Variants in TCF20 observed in about 807,000 individuals in gnomAD.
TCF20 encodes the protein transcription factor 20, also known as SPRE-binding protein.
In TCF20, 3 loss-of-function variants were observed where a neutral mutation model predicts 148.6. That is an observed-to-expected ratio of 0.02 (90% CI 0.01 to 0.05). The LOEUF is 0.05. Ranked by LOEUF, TCF20 falls within the 10% of genes least tolerant of loss-of-function variation. The pLI, the probability that TCF20 is intolerant of heterozygous loss-of-function variation, is 1.00. For synonymous variants in TCF20, 1,049 were observed against 909.5 expected (o/e 1.15, Z -2.76); for missense variants, 2,350 against 2,429.3 (o/e 0.97, Z 0.69).
chr22:42,270,971 G>A (rs890371403), upstream of TCF20, among the ~76,000 whole-genome samples: 2 of 152,096 alleles, frequency 1.3e-5, no homozygotes, highest in African/African-American at 4.8e-5. Flanking sequence ...CCAACTTTCT[G>A]GGGGAGTTGG....
rs776674165 is a variant in TCF20, at chr22:42,212,262, T to C, written c.3044A>G (p.Lys1015Arg). The C allele has an allele frequency of 6.2e-7, 1 of 1,614,154 alleles. No homozygotes were observed. The highest frequency in any genetic ancestry group is 1.1e-5 in the South Asian group (1 of 91,082). ...SPSQYHDFAE[K>R]LKMSPGRSRG... is the part of the protein sequence containing the mutation. ...GCTCCGCCCAGGAGACATTTTCAATTTTTCTGCAAAGTCATGATATTGAGA... is the reference window on the plus strand; with the variant it reads ...GCTCCGCCCAGGAGACATTTTCAATCTTTCTGCAAAGTCATGATATTGAGA... The change falls in exon 2 of 6, where the codon AAA (lysine) becomes AGA (arginine). Residue 1015 changes from lysine to arginine, a missense_variant. Physicochemically the swap from Lys to Arg is conservative, Grantham distance 26. Transcript: ENST00000677622.
At chr22:42,330,834 A>G (rs1927960884) in intron 1 of TCF20, among the ~76,000 whole-genome samples, 1 of 152,194 alleles carries the variant, frequency 6.6e-6, no homozygotes, top group Non-Finnish European at 1.5e-5. Context: ...TACCTACTTT[A>G]CAGATGGGGA....
At chr22:42,258,201 T>A (rs1001683928) in intron 1 of TCF20, among the ~76,000 whole-genome samples, 1 of 152,174 alleles carries the variant, frequency 6.6e-6, no homozygotes, top group African/African-American at 2.4e-5. Context: ...GTCAGCTCTA[T>A]CCGCTTGGCA....
chr22:42,301,088 T>TA (rs1480113519), intron 1 of TCF20, among the ~76,000 whole-genome samples: 1 of 151,940 alleles, frequency 6.6e-6, no homozygotes, highest in Non-Finnish European at 1.5e-5. Context: ...CATCTGCACT[T>TA]ACCAGGGTGG....
intron 2 of TCF20, 47 bp downstream of exon 2, chr22:42,209,604 C>T (rs756524640): frequency 1.3e-6 from 2 of 1,534,140 alleles, no homozygotes; most frequent in Non-Finnish European, 1.7e-6. Flanking sequence ...GAAAAGGAAC[C>T]AAATGAAATA....
At chr22:42,321,722 C>G (rs992893339) in intron 1 of TCF20, among the ~76,000 whole-genome samples, 1 of 151,504 alleles carries the variant, frequency 6.6e-6, no homozygotes. Context: ...GGAGGTGGGC[C>G]GATCACCTGA....
Position 42,198,970 on chromosome 22 carries a change from C to A in TCF20, c.5655+10681G>T, listed in dbSNP as rs185792210. Among the ~76,000 whole-genome samples the A allele has an allele frequency of 6.6e-5, 10 of 152,172 alleles. No individual in the cohort carries two copies. In the East Asian group the frequency reaches 1.9e-3, roughly 29 times the overall value. On this transcript the variant is annotated intron_variant, in intron 2 of 5. Coordinates refer to ENST00000677622, the MANE Select transcript of TCF20 (RefSeq NM_001378418.1). ...GTGAGCCACTGCGCCCTGCCCCCTCCAAATATTTCCAATCTGCTGTTGATT... is the reference window on the plus strand; with the variant it reads ...GTGAGCCACTGCGCCCTGCCCCCTCAAAATATTTCCAATCTGCTGTTGATT...
chr22:42,304,887 A>G (rs949655497), intron 1 of TCF20, among the ~76,000 whole-genome samples: 2 of 152,188 alleles, frequency 1.3e-5, no homozygotes, highest in East Asian at 3.9e-4. Context: ...TTCCAGGCTG[A>G]AGACTGGAGT....
intron 1 of TCF20, among the ~76,000 whole-genome samples, chr22:42,329,490 G>T (rs914231178): frequency 6.6e-6 from 1 of 152,260 alleles, no homozygotes; most frequent in African/African-American, 2.4e-5. Flanking sequence ...AGAGAAGCGG[G>T]GCTCGAGGCT....
chr22:42,340,174 C>T (rs912112052), intron 1 of TCF20, among the ~76,000 whole-genome samples: 29 of 152,194 alleles, frequency 1.9e-4, no homozygotes, highest in African/African-American at 6.0e-4. Context: ...CCCAGGGAGA[C>T]GCCTTTCAAG....
chr22:42,210,464 T>C lies in TCF20; in HGVS notation c.4842A>G (p.Leu1614=). Residue 1614 remains leucine, a synonymous_variant, in exon 2 of 6, where the codon CTA becomes CTG. Coordinates refer to ENST00000677622, the MANE Select transcript of TCF20 (RefSeq NM_001378418.1). The surrounding 1 kb of genome is among the most constrained non-coding windows in gnomAD (Gnocchi z 4.7). ...TATCCAGTGGCTGGGTGGCATATTT[T>C]AGTTTGATCTCAGGTTCTTGGGGTT... ...IVEPQEPEIK[L]KYATQPLDKT... 2 of 1,614,268 alleles carry C rather than the reference T, an allele frequency of 1.2e-6. No homozygotes were observed. Among genetic ancestry groups the C allele is most frequent in the Non-Finnish European group, 1.7e-6 (2 of 1,180,052 alleles).
At chr22:42,165,017 C>T (rs1267428985) in intron 5 of TCF20, among the ~76,000 whole-genome samples, 3 of 152,188 alleles carry the variant, frequency 2.0e-5, no homozygotes, top group Non-Finnish European at 4.4e-5. Flanking sequence ...AGAGAAGGGA[C>T]AGGACTGGAG....
chr22:42,246,716 C>T (rs765074375), intron 1 of TCF20, among the ~76,000 whole-genome samples: 21 of 152,034 alleles, frequency 1.4e-4, no homozygotes, highest in Non-Finnish European at 2.4e-4. Context: ...GCCTGTAATC[C>T]CAGCATTTTG....
At chr22:42,249,458 T>C (rs1925185895) in intron 1 of TCF20, among the ~76,000 whole-genome samples, 1 of 152,234 alleles carries the variant, frequency 6.6e-6, no homozygotes, top group South Asian at 2.1e-4. Flanking sequence ...CTTTATTCTT[T>C]ACAGCACAAT....
chr22:42,295,797 C>T (rs950869669), intron 1 of TCF20, among the ~76,000 whole-genome samples: 2 of 152,292 alleles, frequency 1.3e-5, no homozygotes, highest in African/African-American at 4.8e-5. Flanking sequence ...GCCTAAATGA[C>T]ACCTCCTCAG....
At chr22:42,325,403 G>T (rs1406463223) in intron 1 of TCF20, among the ~76,000 whole-genome samples, 1 of 151,972 alleles carries the variant, frequency 6.6e-6, no homozygotes, top group Non-Finnish European at 1.5e-5. Context: ...GGGGCCCTTG[G>T]GGCCAGGCCC....
At chr22:42,250,986 A>G (rs537567753) in intron 1 of TCF20, among the ~76,000 whole-genome samples, 102 of 152,334 alleles carry the variant, frequency 6.7e-4, no homozygotes, top group African/African-American at 2.4e-3. Flanking sequence ...TCTCGAGGAC[A>G]GCATCAAGGG....
chr22:42,325,147 C>T (rs1212697336), intron 1 of TCF20, among the ~76,000 whole-genome samples: 42 of 152,238 alleles, frequency 2.8e-4, no homozygotes, highest in Admixed American at 2.7e-3. Context: ...GGGCCAGCGC[C>T]CCCCTAACCA....
chr22:42,182,325 G>C (rs1361100434), intron 2 of TCF20, among the ~76,000 whole-genome samples: 1 of 152,310 alleles, frequency 6.6e-6, no homozygotes, highest in African/African-American at 2.4e-5. Flanking sequence ...AGGGTTAAAT[G>C]AATTAATTCA....
Sources: allele counts gnomAD v4.1 joint callset (sites outside exome capture counted in the v4.1 genomes callset), GRCh38; gene constraint gnomAD v4.1.1; non-coding constraint Gnocchi (gnomAD v3.1); transcripts MANE v1.5; gene names NCBI Gene and HGNC (gene_info 2026-07-23, HGNC 2026-07-21).